CLIP4: variants seen among roughly 807,000 people sequenced by gnomAD.
The protein encoded by CLIP4 is CAP-Gly domain-containing linker protein 4.
CLIP4 carries 47 observed loss-of-function variants against 73.1 expected under a neutral mutation model. The observed-to-expected ratio is 0.64, with a 90% CI of 0.51 to 0.82. CLIP4 has a LOEUF of 0.82. Among genes scored for constraint, CLIP4 ranks in the 40% least tolerant of loss-of-function variants. The pLI is 0.00. For missense variants in CLIP4, 874 were observed against 852.9 expected (o/e 1.02, Z -0.31); for synonymous variants, 306 against 295.4 (o/e 1.04, Z -0.37).
At chr2:29,179,226 C>T (rs1668516309) in intron 15 of CLIP4, among the ~76,000 whole-genome samples, 1 of 152,208 alleles carries the variant, frequency 6.6e-6, no homozygotes, top group South Asian at 2.1e-4. Flanking sequence ...TCCTTTTTCA[C>T]TGCTTTGAAG....
chr2:29,167,422 C>A, intron 13 of CLIP4, 54 bp from the exon 14 acceptor site: 10 of 1,349,444 alleles, frequency 7.4e-6, no homozygotes, highest in Non-Finnish European at 1.0e-5. Context: ...GATAACCAGT[C>A]TTAAACCTGA....
intron 8 of CLIP4, among the ~76,000 whole-genome samples, chr2:29,145,683 T>A (rs547711112): frequency 6.6e-6 from 1 of 152,276 alleles, no homozygotes; most frequent in Non-Finnish European, 1.5e-5. Flanking sequence ...AGCTTTCCAC[T>A]ATTTATTTAT....
chr2:29,173,796 T>A lies in CLIP4; in HGVS notation c.1724-577T>A, dbSNP rs993067931. On this transcript the variant is annotated intron_variant, in intron 14 of 15. Transcript: ENST00000320081. ...AAGTGTTTTTATTTCTGTTGTATTATTTGGAGAGGCCAACAATCAAAAGCT... is the reference window on the plus strand; with the variant it reads ...AAGTGTTTTTATTTCTGTTGTATTAATTGGAGAGGCCAACAATCAAAAGCT... 1.1e-4 allele frequency among the ~76,000 whole-genome samples: 16 copies of A among 152,328 alleles called. No individual in the cohort carries two copies. The East Asian group carries it at 1.2e-3, about 11-fold the overall frequency.
At chr2:29,154,728 G>C (rs1666805486) in intron 9 of CLIP4, among the ~76,000 whole-genome samples, 1 of 152,166 alleles carries the variant, frequency 6.6e-6, no homozygotes, top group South Asian at 2.1e-4. Flanking sequence ...GCATGGATCT[G>C]ACCAAAGCCT....
chr2:29,159,683 T>TA (rs56927221), intron 11 of CLIP4, among the ~76,000 whole-genome samples: 55,107 of 112,686 alleles, frequency 0.49, 14,180 homozygotes, highest in East Asian at 0.76. Flanking sequence ...CCTGTTTCTT[T>TA]AAAAAAAAAA....
chr2:29,118,057 A>G (rs1663991520), intron 1 of CLIP4: 1 of 152,244 alleles, frequency 6.6e-6, no homozygotes, highest in African/African-American at 2.4e-5. Context: ...TTATGCTTTA[A>G]ATACTTACGT....
intron 15 of CLIP4, among the ~76,000 whole-genome samples, chr2:29,177,025 C>G (rs955901465): frequency 2.6e-5 from 4 of 152,166 alleles, no homozygotes; most frequent in Admixed American, 2.6e-4. Flanking sequence ...ACGATTGGCT[C>G]TTGTGTTTCC....
chr2:29,167,583 C>T (rs775210173), intron 14 of CLIP4, 43 bp downstream of exon 14: 11 of 1,478,308 alleles, frequency 7.4e-6, no homozygotes, highest in Non-Finnish European at 1.0e-5. Context: ...TATTTCTTTG[C>T]TTTCATTTAT....
At position 29,183,003 on chromosome 2, in the gene CLIP4, A is replaced by C. The variant is rs139259361; in HGVS notation, c.*1110A>C. On this transcript the variant is annotated 3_prime_UTR_variant, in exon 16 of 16. Coordinates refer to ENST00000320081, the MANE Select transcript of CLIP4 (RefSeq NM_024692.6). The stretch of plus-strand genomic sequence containing the variant: ...GTTGTTTGCTGTTTTTATTTCTCTA[A>C]TTGTTGCAGAGTTCTGCCTGTTACA... 38 of 152,420 alleles carry C rather than the reference A, an allele frequency of 2.5e-4. No individual in the cohort carries two copies. Among genetic ancestry groups the C allele is most frequent in the African/African-American group, 9.1e-4 (38 of 41,542 alleles). The allele number at this position is 152,420 out of a possible 1,614,324, so 9.4% of individuals were successfully genotyped here.
At chr2:29,160,236 T>C in intron 11 of CLIP4, 97 bp from the exon 12 acceptor site, 2 of 1,449,158 alleles carry the variant, frequency 1.4e-6, no homozygotes, top group Non-Finnish European at 1.9e-6. Flanking sequence ...GAATACCTAG[T>C]GTGATTTTTT....
chr2:29,133,687 C>G lies in CLIP4; in HGVS notation c.400C>G (p.Gln134Glu). The change falls in exon 5 of 16, where the codon CAG becomes GAG. Residue 134 changes from glutamine to glutamate, a missense_variant. Physicochemically the swap from Gln to Glu is conservative, Grantham distance 29. Transcript: ENST00000320081. ...GGAAACAGCTGTAAAATTTGCAACT[C>G]AGCTTATTGACCTGGGAGCAGACAT... ...DVETAVKFAT[Q>E]LIDLGADISL... The G allele has an allele frequency of 2.5e-6, 4 of 1,612,330 alleles. No individual in the cohort carries two copies. The highest frequency in any genetic ancestry group is 3.4e-6 in the Non-Finnish European group (4 of 1,179,514).
chr2:29,121,181 G>T (rs185598862), intron 1 of CLIP4, among the ~76,000 whole-genome samples, 193 bp from the exon 2 acceptor site: 1 of 152,274 alleles, frequency 6.6e-6, no homozygotes, highest in Admixed American at 6.5e-5. Flanking sequence ...ACTGGTATAA[G>T]AGGTGGTGTG....
At chr2:29,102,611 G>A (rs564349728) in intron 1 of CLIP4, among the ~76,000 whole-genome samples, 5 of 151,600 alleles carry the variant, frequency 3.3e-5, no homozygotes, top group Admixed American at 2.0e-4. Flanking sequence ...CTGAAGCACC[G>A]CATCACTTCC....
At chr2:29,136,236 A>G (rs1490418163) in intron 6 of CLIP4, among the ~76,000 whole-genome samples, 1 of 151,522 alleles carries the variant, frequency 6.6e-6, no homozygotes, top group Non-Finnish European at 1.5e-5. Context: ...TTATATTAAT[A>G]ACAATAACTC....
chr2:29,162,111 C>T (rs1214037226), intron 12 of CLIP4, among the ~76,000 whole-genome samples: 2 of 152,084 alleles, frequency 1.3e-5, no homozygotes, highest in African/African-American at 4.8e-5. Flanking sequence ...TACTATTTGT[C>T]TTTTGAGTTC....
intron 13 of CLIP4, among the ~76,000 whole-genome samples, chr2:29,166,418 C>T (rs1231958977): frequency 4.0e-5 from 6 of 151,768 alleles, no homozygotes; most frequent in Admixed American, 3.9e-4. Context: ...CCTACTATTG[C>T]CTAACTTTCA....
At chr2:29,122,014 A>C (rs1049833390) in intron 2 of CLIP4, among the ~76,000 whole-genome samples, 2 of 152,190 alleles carry the variant, frequency 1.3e-5, no homozygotes, top group African/African-American at 4.8e-5. Context: ...TTTCTCCAGA[A>C]CCATAATAAA....
At chr2:29,145,619 T>C (rs1666104642) in intron 8 of CLIP4, among the ~76,000 whole-genome samples, 1 of 152,110 alleles carries the variant, frequency 6.6e-6, no homozygotes, top group African/African-American at 2.4e-5. Flanking sequence ...CCTGAAAAAC[T>C]TGAAAGGGAA....
intron 12 of CLIP4, among the ~76,000 whole-genome samples, chr2:29,163,396 TA>T (rs1327624652): frequency 6.6e-6 from 1 of 152,206 alleles, no homozygotes; most frequent in Non-Finnish European, 1.5e-5. Context: ...TGTGGTGTTC[TA>T]ATGTTAGGTG....
Sources: gnomAD v4.1 joint callset for allele counts (sites outside exome capture counted in the v4.1 genomes callset) on GRCh38, gnomAD v4.1.1 for gene constraint, MANE v1.5 for transcripts, NCBI Gene and HGNC (gene_info 2026-07-23, HGNC 2026-07-21) for gene names.